Variants in BRINP2 observed in about 807,000 individuals in gnomAD.
BRINP2 encodes BMP/retinoic acid inducible neural specific 2, also known as BMP/retinoic acid-inducible neural-specific protein 2.
BRINP2 carries 21 observed loss-of-function variants against 69.2 expected under a neutral mutation model. That is an observed-to-expected ratio of 0.30 (90% CI 0.22 to 0.44). BRINP2 has a LOEUF of 0.44. BRINP2 is among the 20% of genes least tolerant of loss of function. The pLI, the probability that BRINP2 is intolerant of heterozygous loss-of-function variation, is 1.00. For missense variants in BRINP2, 877 were observed against 986.0 expected, an observed-to-expected ratio of 0.89 and a Z score of 1.48; for synonymous variants, 380 against 394.1, an observed-to-expected ratio of 0.96 and a Z score of 0.42.
At chr1:177,183,400 G>C (rs1490929496) in intron 1 of BRINP2, among the ~76,000 whole-genome samples, 1 of 152,144 alleles carries the variant, frequency 6.6e-6, no homozygotes, top group Non-Finnish European at 1.5e-5. Context: ...AGTAATGATG[G>C]ATTTTGCTCA....
At chr1:177,275,155 C>G (rs1388054225) in intron 5 of BRINP2, 2 of 456,188 alleles carry the variant, frequency 4.4e-6, no homozygotes, top group Non-Finnish European at 8.8e-6. Context: ...CATCCAAAGG[C>G]ATGCCTACCC....
chr1:177,279,426 G>A (rs1051453727), intron 7 of BRINP2, among the ~76,000 whole-genome samples: 2 of 152,188 alleles, frequency 1.3e-5, no homozygotes, highest in African/African-American at 2.4e-5. Context: ...TAAATCAAAC[G>A]GATAGTCTCC....
chr1:177,194,930 G>A (rs1434927588), intron 1 of BRINP2, among the ~76,000 whole-genome samples: 1 of 151,994 alleles, frequency 6.6e-6, no homozygotes, highest in Non-Finnish European at 1.5e-5. Context: ...ATCACCTTCC[G>A]GGCCTCATAA....
chr1:177,170,959 A>G lies in BRINP2; in HGVS notation c.-850A>G, dbSNP rs1647907050. On this transcript the variant is annotated 5_prime_UTR_variant, in exon 1 of 8. Coordinates refer to ENST00000361539, the MANE Select transcript of BRINP2 (RefSeq NM_021165.4). ...TCTTAAGACACTCATCTGGTGTCTGAGTCTGCAGGTGACACTGCTTAGGTA... is the reference window on the plus strand; with the variant it reads ...TCTTAAGACACTCATCTGGTGTCTGGGTCTGCAGGTGACACTGCTTAGGTA... Among the ~76,000 whole-genome samples the G allele has an allele frequency of 6.6e-6, 1 of 152,246 alleles. No individual in the cohort carries two copies. The highest frequency in any genetic ancestry group is 6.5e-5 in the Admixed American group (1 of 15,292).
At chr1:177,258,178 A>G (rs181874648) in intron 4 of BRINP2, among the ~76,000 whole-genome samples, 23 of 152,322 alleles carry the variant, frequency 1.5e-4, no homozygotes, top group African/African-American at 5.1e-4. Flanking sequence ...ACTTACACCT[A>G]AGAGGTTTCT....
chr1:177,171,908 G>A (rs1356311909), intron 1 of BRINP2, among the ~76,000 whole-genome samples, 176 bp downstream of exon 1: 1 of 152,180 alleles, frequency 6.6e-6, no homozygotes, highest in Non-Finnish European at 1.5e-5. Context: ...GTTGAGCAAT[G>A]GACTTTGGGG....
rs1483551563 is a variant in BRINP2, at chr1:177,217,816, A to G, written c.-76-11985A>G. 2.0e-5 allele frequency among the ~76,000 whole-genome samples: 3 copies of G among 152,314 alleles called. No homozygotes were observed. The East Asian group carries it at 5.8e-4, about 29-fold the overall frequency. ...AGCTGACTAGGCTTTGCTGTTTGGCAAGATCACTGGCTGAGCTCTACTACT... is the reference window on the plus strand; with the variant it reads ...AGCTGACTAGGCTTTGCTGTTTGGCGAGATCACTGGCTGAGCTCTACTACT... On this transcript the variant is annotated intron_variant, in intron 1 of 7. Coordinates refer to ENST00000361539, the MANE Select transcript of BRINP2 (RefSeq NM_021165.4).
chr1:177,226,944 C>T (rs1558166710), intron 1 of BRINP2, among the ~76,000 whole-genome samples: 2 of 152,320 alleles, frequency 1.3e-5, no homozygotes, highest in South Asian at 4.1e-4. Context: ...CTTCTAAAGG[C>T]TCACCTGAGT....
At chr1:177,195,113 A>G (rs1248174373) in intron 1 of BRINP2, among the ~76,000 whole-genome samples, 1 of 152,086 alleles carries the variant, frequency 6.6e-6, no homozygotes, top group Non-Finnish European at 1.5e-5. Flanking sequence ...AACAAAGCCC[A>G]CTTTTCTTCA....
Position 177,171,222 on chromosome 1 carries a change from T to G in BRINP2, c.-587T>G, listed in dbSNP as rs970977712. Among the ~76,000 whole-genome samples, 1 of 152,214 alleles carries G rather than the reference T, an allele frequency of 6.6e-6. No homozygotes were observed. Among genetic ancestry groups the G allele is most frequent in the African/African-American group, 2.4e-5 (1 of 41,466 alleles). Reference sequence around the variant, plus strand: ...TCTCTGCCCATGTGCAAGGCAGTGATTTCGGGTGAGAGAGCGGGTGGGTGA... The same window carrying G: ...TCTCTGCCCATGTGCAAGGCAGTGAGTTCGGGTGAGAGAGCGGGTGGGTGA... On this transcript the variant is annotated 5_prime_UTR_variant, in exon 1 of 8. Transcript: ENST00000361539.
At chr1:177,190,554 T>C (rs938831899) in intron 1 of BRINP2, among the ~76,000 whole-genome samples, 21 of 152,222 alleles carry the variant, frequency 1.4e-4, no homozygotes, top group African/African-American at 4.8e-4. Context: ...TTCTCTCCTC[T>C]CCTTGTTCCC....
intron 1 of BRINP2, among the ~76,000 whole-genome samples, chr1:177,198,044 C>A (rs368706360): frequency 1.3e-4 from 20 of 152,112 alleles, no homozygotes; most frequent in African/African-American, 4.1e-4. Flanking sequence ...GGGGGGAGTG[C>A]GACAGTGGTA....
chr1:177,262,846 A>G (rs1558182159), intron 4 of BRINP2, among the ~76,000 whole-genome samples: 1 of 152,048 alleles, frequency 6.6e-6, no homozygotes, highest in South Asian at 2.1e-4. Flanking sequence ...TTGGTTGGCT[A>G]GATAAACACA....
At chr1:177,179,589 ACACACACACTCTTTCTCT>A (rs1307790289) in intron 1 of BRINP2, among the ~76,000 whole-genome samples, 1 of 151,796 alleles carries the variant, frequency 6.6e-6, no homozygotes, top group Admixed American at 6.6e-5. Context: ...TCTTTCTCTC[ACACACACACTCTTTCTCT>A]CACACACACA....
At chr1:177,229,000 T>C (rs1571916371) in intron 1 of BRINP2, among the ~76,000 whole-genome samples, 2 of 152,306 alleles carry the variant, frequency 1.3e-5, no homozygotes, top group South Asian at 4.1e-4. Flanking sequence ...TATAGAAAGA[T>C]ACAGCAGTTA....
intron 1 of BRINP2, among the ~76,000 whole-genome samples, chr1:177,175,306 C>T (rs1571879524): frequency 6.6e-6 from 1 of 152,080 alleles, no homozygotes; most frequent in African/African-American, 2.4e-5. Context: ...GGGCAGGATG[C>T]GGTGTTGCCT....
intron 4 of BRINP2, among the ~76,000 whole-genome samples, chr1:177,267,359 A>G (rs1651161782): frequency 1.3e-5 from 2 of 152,108 alleles, no homozygotes; most frequent in African/African-American, 4.8e-5. Context: ...TTGCTTCCCT[A>G]GTTGGAGATC....
chr1:177,251,319 T>C (rs1650573859), intron 2 of BRINP2, among the ~76,000 whole-genome samples: 1 of 152,248 alleles, frequency 6.6e-6, no homozygotes, highest in African/African-American at 2.4e-5. Flanking sequence ...ATGTTTTGTG[T>C]AGAAAATGTA....
chr1:177,197,656 C>A (rs1648785941), intron 1 of BRINP2, among the ~76,000 whole-genome samples: 1 of 152,114 alleles, frequency 6.6e-6, no homozygotes, highest in African/African-American at 2.4e-5. Context: ...GTTGTTTAAA[C>A]CACCCAGACT....
Sources: allele counts gnomAD v4.1 joint callset (sites outside exome capture counted in the v4.1 genomes callset), GRCh38; gene constraint gnomAD v4.1.1; transcripts MANE v1.5; gene names NCBI Gene and HGNC (gene_info 2026-07-23, HGNC 2026-07-21).